The following TTC28 variants were observed in gnomAD, a reference collection of about 807,000 sequenced individuals.
The protein encoded by TTC28 is tetratricopeptide repeat domain 28.
Under a neutral mutation model 198.0 loss-of-function variants are expected in TTC28, and 61 were observed. The observed-to-expected ratio is 0.31, with a 90% CI of 0.25 to 0.38. The LOEUF is 0.38. TTC28 is among the 10% of genes least tolerant of loss of function. The pLI is 1.00. For missense variants in TTC28, 2,678 were observed against 3,164.0 expected, an observed-to-expected ratio of 0.85 and a Z score of 3.69; for synonymous variants, 1,171 against 1,297.8, an observed-to-expected ratio of 0.90 and a Z score of 2.10.
intron 1 of TTC28, among the ~76,000 whole-genome samples, chr22:28,671,965 T>G (rs1006603998): frequency 6.6e-6 from 1 of 150,626 alleles, no homozygotes; most frequent in Non-Finnish European, 1.5e-5. Context: ...TATGAGCCAC[T>G]GCACCTGGAC....
chr22:28,386,656 G>A (rs2046602752), intron 2 of TTC28, among the ~76,000 whole-genome samples: 1 of 152,016 alleles, frequency 6.6e-6, no homozygotes, highest in Admixed American at 6.6e-5. Flanking sequence ...AATGCCTTGG[G>A]GTGAAAGGGA....
intron 2 of TTC28, among the ~76,000 whole-genome samples, chr22:28,395,205 A>G (rs2046795240): frequency 6.6e-6 from 1 of 152,156 alleles, no homozygotes; most frequent in Admixed American, 6.5e-5. Context: ...TGGCAACAGG[A>G]TTTGTTTTTA....
chr22:28,158,799 C>G (rs1438667005), intron 6 of TTC28, among the ~76,000 whole-genome samples: 1 of 152,180 alleles, frequency 6.6e-6, no homozygotes, highest in Admixed American at 6.5e-5. Context: ...TGACTTCAAA[C>G]TATGAAAGTA....
chr22:28,468,681 G>T (rs894379919), intron 2 of TTC28, among the ~76,000 whole-genome samples: 1 of 143,372 alleles, frequency 7.0e-6, no homozygotes, highest in Admixed American at 7.3e-5. Context: ...CCGCCAACTC[G>T]CCCGGCTAAT....
At chr22:28,243,222 CCA>C (rs1379761401) in intron 5 of TTC28, among the ~76,000 whole-genome samples, 2 of 113,864 alleles carry the variant, frequency 1.8e-5, no homozygotes, top group Admixed American at 8.9e-5. Context: ...AACTAGCCAG[CCA>C]CACTGTCACA....
At chr22:28,168,251 G>A (rs1922252232) in intron 5 of TTC28, among the ~76,000 whole-genome samples, 1 of 152,126 alleles carries the variant, frequency 6.6e-6, no homozygotes, top group Non-Finnish European at 1.5e-5. Flanking sequence ...ACTGCCCAAG[G>A]TAATTTATAG....
At chr22:28,364,344 C>T (rs1327130052) in intron 2 of TTC28, among the ~76,000 whole-genome samples, 3 of 152,156 alleles carry the variant, frequency 2.0e-5, no homozygotes, top group Non-Finnish European at 4.4e-5. Context: ...TGAGGCCTCC[C>T]CAGCCACGTG....
At chr22:28,010,735 G>A (rs1490005526) in intron 14 of TTC28, among the ~76,000 whole-genome samples, 2 of 152,168 alleles carry the variant, frequency 1.3e-5, no homozygotes, top group Non-Finnish European at 2.9e-5. Flanking sequence ...TCGGGAACAG[G>A]CCCAGCCCCT....
intron 5 of TTC28, among the ~76,000 whole-genome samples, chr22:28,199,584 C>CTGTGTA (rs143224929): frequency 0.036 from 5,239 of 144,846 alleles, 201 homozygotes; most frequent in African/African-American, 0.084. Flanking sequence ...TGCATGTGCA[C>CTGTGTA]TGTGTATGTG....
intron 2 of TTC28, among the ~76,000 whole-genome samples, chr22:28,365,540 A>G (rs1469883776): frequency 6.6e-6 from 1 of 152,218 alleles, no homozygotes; most frequent in Non-Finnish European, 1.5e-5. Context: ...TAAGCCATCC[A>G]TCTTACTCCC....
chr22:27,990,778 G>T lies in TTC28; in HGVS notation c.5577+11C>A, dbSNP rs906000993. On this transcript the variant is annotated intron_variant, in intron 20 of 22. Transcript: ENST00000397906. Reference sequence around the variant, plus strand: ...CACCTGACAACAGTTGCTACTTAAAGTAGTACTCACCATTCCAACCATATT... The same window carrying T: ...CACCTGACAACAGTTGCTACTTAAATTAGTACTCACCATTCCAACCATATT... 14 of 1,550,198 alleles carry T rather than the reference G, an allele frequency of 9.0e-6. No individual in the cohort carries two copies. Among genetic ancestry groups the T allele is most frequent in the South Asian group, 4.8e-5 (4 of 83,924 alleles).
chr22:28,237,069 T>A (rs1016944767), intron 5 of TTC28, among the ~76,000 whole-genome samples: 5 of 152,174 alleles, frequency 3.3e-5, no homozygotes, highest in African/African-American at 1.2e-4. Context: ...TTCTTCTGGA[T>A]CAAGTGAGCA....
chr22:28,649,700 T>C (rs924489665), intron 1 of TTC28, among the ~76,000 whole-genome samples: 5 of 152,220 alleles, frequency 3.3e-5, no homozygotes, highest in Non-Finnish European at 7.3e-5. Context: ...CCAACTTCTT[T>C]TAAGGCTAAT....
At chr22:28,151,373 G>A (rs1943605167) in intron 6 of TTC28, among the ~76,000 whole-genome samples, 1 of 152,146 alleles carries the variant, frequency 6.6e-6, no homozygotes. Flanking sequence ...ACCTGGCAGC[G>A]AGCAGCTACT....
Position 27,983,129 on chromosome 22 carries a change from G to C in TTC28, c.6538C>G (p.Leu2180Val), listed in dbSNP as rs1937081256. 1 of 1,551,812 alleles carries C rather than the reference G, an allele frequency of 6.4e-7. No individual in the cohort carries two copies. The highest frequency in any genetic ancestry group is 8.7e-7 in the Non-Finnish European group (1 of 1,147,030). ...CTCACCTGGCCGCCGCTCCTCTGAA[G>C]ACGCTCCACCGCAATGAGATGACTC... is the stretch of plus-strand genomic sequence containing the variant. ...TQSHLIAVER[L>V]QRSGGQVSKS... is the part of the protein sequence containing the mutation. Residue 2180 changes from leucine to valine, a missense_variant, in exon 23 of 23, where the codon CTT (leucine) becomes GTT (valine). Coordinates refer to ENST00000397906, the MANE Select transcript of TTC28 (RefSeq NM_001145418.2).
At chr22:28,094,555 C>T (rs1271711150) in intron 11 of TTC28, among the ~76,000 whole-genome samples, 2 of 152,088 alleles carry the variant, frequency 1.3e-5, no homozygotes, top group Non-Finnish European at 2.9e-5. Flanking sequence ...TTAGAAGCAC[C>T]AACTAGGGAA....
At chr22:28,143,865 TA>T (rs1378464608) in intron 6 of TTC28, among the ~76,000 whole-genome samples, 1 of 152,204 alleles carries the variant, frequency 6.6e-6, no homozygotes, top group Non-Finnish European at 1.5e-5. Context: ...CAGCGAATCT[TA>T]CAGCACAAAA....
At chr22:28,513,724 T>C (rs1239134452) in intron 2 of TTC28, among the ~76,000 whole-genome samples, 1 of 152,086 alleles carries the variant, frequency 6.6e-6, no homozygotes, top group Non-Finnish European at 1.5e-5. Context: ...CTGAGAAAAG[T>C]TAAAGAGTAT....
chr22:28,089,576 A>C (rs1258731073), intron 12 of TTC28, among the ~76,000 whole-genome samples: 1 of 151,640 alleles, frequency 6.6e-6, no homozygotes, highest in Admixed American at 6.6e-5. Flanking sequence ...ATGACGAGTT[A>C]CTGGGTGCAG....
Sources: allele counts gnomAD v4.1 joint callset (sites outside exome capture counted in the v4.1 genomes callset), GRCh38; gene constraint gnomAD v4.1.1; transcripts MANE v1.5; gene names NCBI Gene and HGNC (gene_info 2026-07-23, HGNC 2026-07-21).